Variants in UBR1 observed in about 807,000 individuals in gnomAD.
UBR1 encodes ubiquitin protein ligase E3 component n-recognin 1.
In UBR1, 102 loss-of-function variants were observed where a neutral mutation model predicts 242.1. The observed-to-expected ratio is 0.42, with a 90% CI of 0.36 to 0.50. UBR1 has a LOEUF of 0.50. Among genes scored for constraint, UBR1 ranks in the 20% least tolerant of loss-of-function variants. The pLI is 0.01. For synonymous variants in UBR1, 675 were observed against 684.8 expected (o/e 0.99, Z 0.22); for missense variants, 1,772 against 2,101.8 (o/e 0.84, Z 3.07).
At chr15:43,044,682 G>A (rs1468251323) in intron 14 of UBR1, among the ~76,000 whole-genome samples, 1 of 152,142 alleles carries the variant, frequency 6.6e-6, no homozygotes, top group Non-Finnish European at 1.5e-5. Context: ...CACGAGGTCA[G>A]GAGTTTGAGA....
Position 43,011,245 on chromosome 15 carries a change from C to T in UBR1, c.3210-3961G>A, listed in dbSNP as rs368222663. ...ATTTGAGACTTTGGAATAGGAAAAG[C>T]TTTCTTAAACAAGATATTAATACAA... is the stretch of plus-strand genomic sequence containing the variant. On this transcript the variant is annotated intron_variant, in intron 29 of 46. Transcript: ENST00000290650. Among the ~76,000 whole-genome samples, 6 of 151,678 alleles carry T rather than the reference C, an allele frequency of 4.0e-5. No individual in the cohort carries two copies. The East Asian group carries it at 7.7e-4, about 20-fold the overall frequency.
At position 42,952,267 on chromosome 15, in the gene UBR1, T is replaced by A; in HGVS notation, c.5006+11A>T. ...GTTCATCATGAAGCTTCCAGAACAC[T>A]CACTACTCACTTTAGGAAAATGCAG... On this transcript the variant is annotated intron_variant, in intron 45 of 46. Coordinates refer to ENST00000290650, the MANE Select transcript of UBR1 (RefSeq NM_174916.3). 1 of 1,614,132 alleles carries A rather than the reference T, an allele frequency of 6.2e-7. No homozygotes were observed. Among genetic ancestry groups the A allele is most frequent in the Non-Finnish European group, 8.5e-7 (1 of 1,180,028 alleles).
chr15:43,068,151 G>C (rs534929372), intron 5 of UBR1, 115 bp from the exon 6 acceptor site: 2 of 586,504 alleles, frequency 3.4e-6, no homozygotes, highest in South Asian at 4.6e-5. Context: ...CAACCTGTGG[G>C]AAAGTAACAC....
In UBR1 at chr15:43,018,405, C is replaced by A. The variant is rs75170595; in HGVS notation, c.2941-1224G>T. ...GCATTCATTAATTCATTAATTCATT[C>A]ATTCGACAGAGTTTCAGTCTGTCGT... On this transcript the variant is annotated intron_variant, in intron 27 of 46. Transcript: ENST00000290650. Among the ~76,000 whole-genome samples the A allele has an allele frequency of 9.6e-3, 1,465 of 152,178 alleles. 19 individuals are homozygous for A. Among genetic ancestry groups the A allele is most frequent in the African/African-American group, 0.033 (1,389 of 41,540 alleles).
At chr15:42,961,533 G>A (rs1257883761) in intron 42 of UBR1, among the ~76,000 whole-genome samples, 1 of 150,338 alleles carries the variant, frequency 6.7e-6, no homozygotes, top group African/African-American at 2.5e-5. Context: ...AAGTGATTCT[G>A]ATGCCTCAGC....
chr15:42,945,291 T>C lies in UBR1; in HGVS notation c.*38A>G. ...ATAATTTTGAATCAGCCTTTACTAC[T>C]GTCGTCATTTGTGATTGTCTTGAGG... On this transcript the variant is annotated 3_prime_UTR_variant, in exon 47 of 47. Transcript: ENST00000290650. 1 of 1,614,060 alleles carries C rather than the reference T, an allele frequency of 6.2e-7. No homozygotes were observed. The highest frequency in any genetic ancestry group is 1.7e-5 in the Admixed American group (1 of 60,018).
rs568352957 is a variant in UBR1, at chr15:42,996,735, G to T, written c.3757+1433C>A. Among the ~76,000 whole-genome samples, 6 of 152,264 alleles carry T rather than the reference G, an allele frequency of 3.9e-5. No individual in the cohort carries two copies. In the South Asian group the frequency reaches 1.2e-3, roughly 32 times the overall value. ...TCATTTTCCTTAAAAGTACGTAACT[G>T]AAAGGACATAATTAAATCACAACAG... On this transcript the variant is annotated intron_variant, in intron 33 of 46. Coordinates refer to ENST00000290650, the MANE Select transcript of UBR1 (RefSeq NM_174916.3).
intron 1 of UBR1, among the ~76,000 whole-genome samples, chr15:43,090,535 G>C (rs1231772963): frequency 6.6e-6 from 1 of 151,508 alleles, no homozygotes; most frequent in Non-Finnish European, 1.5e-5. Context: ...CTACATACCT[G>C]GCAACAACTA....
intron 33 of UBR1, among the ~76,000 whole-genome samples, chr15:42,993,579 G>T (rs943153488): frequency 3.9e-5 from 6 of 152,028 alleles, no homozygotes; most frequent in Admixed American, 6.6e-5. Context: ...TGTTGGCCGG[G>T]CTGGTCTTGA....
intron 12 of UBR1, among the ~76,000 whole-genome samples, chr15:43,049,168 G>A (rs911582916): frequency 6.6e-6 from 1 of 152,170 alleles, no homozygotes; most frequent in Non-Finnish European, 1.5e-5. Flanking sequence ...TTATATTGCA[G>A]GTGTTGGGAA....
intron 26 of UBR1, among the ~76,000 whole-genome samples, chr15:43,021,714 C>T (rs924289137): frequency 6.6e-6 from 1 of 152,102 alleles, no homozygotes; most frequent in African/African-American, 2.4e-5. Context: ...TTTCAAACTG[C>T]GATGGGATGA....
At chr15:43,039,235 C>A (rs928669998) in intron 15 of UBR1, among the ~76,000 whole-genome samples, 1 of 151,998 alleles carries the variant, frequency 6.6e-6, no homozygotes, top group African/African-American at 2.4e-5. Flanking sequence ...GGTGCTAAAA[C>A]TAAAAAATAA....
At position 42,983,665 on chromosome 15, in the gene UBR1, C is replaced by CAATAATAATAATAAT. The variant is rs60519719; in HGVS notation, c.4150+217_4150+231dup. Among the ~76,000 whole-genome samples the CAATAATAATAATAAT allele has an allele frequency of 2.6e-3, 351 of 137,352 alleles. 4 individuals are homozygous for CAATAATAATAATAAT. Among genetic ancestry groups the CAATAATAATAATAAT allele is most frequent in the East Asian group, 6.7e-3 (32 of 4,758 alleles). The allele number at this position is 137,352 out of a possible 152,430, so 90.1% of individuals were successfully genotyped here. ...CAGCAACAACAGCGAAACTCCCACT[C>CAATAATAATAATAAT]AATAATAATAATAATAATAATAATA... On this transcript the variant is annotated intron_variant, in intron 37 of 46. Transcript: ENST00000290650.
chr15:43,019,982 C>T lies in UBR1; in HGVS notation c.2940+1293G>A, dbSNP rs539117709. ...CTCTCCCCTGCTTATTTAATTCACT[C>T]GTCTCCAAAGGCAATGCTATCTACT... On this transcript the variant is annotated intron_variant, in intron 27 of 46. Transcript: ENST00000290650. Among the ~76,000 whole-genome samples, 92 of 152,030 alleles carry T rather than the reference C, an allele frequency of 6.1e-4. 1 individual carries two copies. The South Asian group carries it at 0.019, about 31-fold the overall frequency.
chr15:42,991,188 A>C (rs2032552525), intron 33 of UBR1, among the ~76,000 whole-genome samples: 1 of 151,868 alleles, frequency 6.6e-6, no homozygotes, highest in Non-Finnish European at 1.5e-5. Flanking sequence ...AGGCAGAAGA[A>C]TCACTTGAAC....
At chr15:43,102,019 A>C (rs550381861) in intron 1 of UBR1, among the ~76,000 whole-genome samples, 2 of 149,630 alleles carry the variant, frequency 1.3e-5, no homozygotes, top group East Asian at 2.0e-4. Context: ...GCATGCCTGT[A>C]ATTCCAGCTA....
At position 42,943,830 on chromosome 15, in the gene UBR1, T is replaced by TATCC. The variant is rs987429634; in HGVS notation, c.*1495_*1498dup. ...ATTGTTCACTAGACATGTATCTATT[T>TATCC]ATCCAGATACCTTCTGAATTGTAAT... On this transcript the variant is annotated 3_prime_UTR_variant, in exon 47 of 47. Transcript: ENST00000290650. 1 of 152,398 alleles carries TATCC rather than the reference T, an allele frequency of 6.6e-6. No individual in the cohort carries two copies. Among genetic ancestry groups the TATCC allele is most frequent in the Non-Finnish European group, 1.5e-5 (1 of 68,044 alleles). 9.4% of individuals were successfully genotyped at this position (152,398 alleles called of 1,614,324 possible).
chr15:43,078,038 TG>T (rs1339576647), intron 3 of UBR1, among the ~76,000 whole-genome samples: 1 of 152,114 alleles, frequency 6.6e-6, no homozygotes, highest in Non-Finnish European at 1.5e-5. Flanking sequence ...TTCAAGCCTG[TG>T]GGTGCAGATA....
Position 43,032,639 on chromosome 15 carries a change from A to C in UBR1, c.2191-8T>G, listed in dbSNP as rs1298834221. 8.8e-6 allele frequency: 13 copies of C among 1,485,494 alleles called. No individual in the cohort carries two copies. The highest frequency in any genetic ancestry group is 1.2e-5 in the Non-Finnish European group (13 of 1,074,356). The allele number at this position is 1,485,494 out of a possible 1,614,324, so 92.0% of individuals were successfully genotyped here. A position where few individuals can be genotyped will look rare whatever the true frequency, so the allele number is the denominator to read the frequency against. On this transcript the variant is annotated splice_region_variant and splice_polypyrimidine_tract_variant and intron_variant, in intron 19 of 46. Transcript: ENST00000290650. ...ATATTGTTTAATCAAATCCTATAGA[A>C]TCGAAAAAGAGTAAATTAGTTATGG...
Sources: gnomAD v4.1 joint callset for allele counts (sites outside exome capture counted in the v4.1 genomes callset) on GRCh38, gnomAD v4.1.1 for gene constraint, MANE v1.5 for transcripts, NCBI Gene and HGNC (gene_info 2026-07-23, HGNC 2026-07-21) for gene names.